NCALD: variants seen among roughly 807,000 people sequenced by gnomAD.
The protein encoded by NCALD is neurocalcin-delta.
NCALD carries 10 observed loss-of-function variants against 18.6 expected under a neutral mutation model. The observed-to-expected ratio is 0.54, with a 90% CI of 0.33 to 0.91. NCALD has a LOEUF of 0.91. Ranked by LOEUF, NCALD falls within the 40% of genes least tolerant of loss-of-function variation. The probability of loss-of-function intolerance (pLI) is 0.03; values close to 1 mark genes in which losing one functional copy is unlikely to be tolerated. For synonymous variants in NCALD, 88 were observed against 87.4 expected, an observed-to-expected ratio of 1.01 and a Z score of -0.04; for missense variants, 184 against 247.6, an observed-to-expected ratio of 0.74 and a Z score of 1.72.
intron 4 of NCALD, among the ~76,000 whole-genome samples, chr8:101,857,126 A>G (rs1815351195): frequency 6.6e-6 from 1 of 152,210 alleles, no homozygotes; most frequent in Non-Finnish European, 1.5e-5. Context: ...CATTGCTACC[A>G]TAAGGTTGTA....
chr8:101,952,981 T>G (rs181947732), intron 2 of NCALD, among the ~76,000 whole-genome samples: 28 of 152,216 alleles, frequency 1.8e-4, no homozygotes, highest in African/African-American at 6.7e-4. Context: ...ATCTCCCTCC[T>G]TTCCTTCATC....
chr8:101,842,295 A>G (rs997593991), intron 4 of NCALD, among the ~76,000 whole-genome samples: 19 of 152,118 alleles, frequency 1.2e-4, no homozygotes, highest in Admixed American at 3.9e-4. Flanking sequence ...ATGAATTTGC[A>G]AGGAGGACAC....
intron 1 of NCALD, among the ~76,000 whole-genome samples, chr8:102,030,230 AT>A (rs1310496710): frequency 6.6e-6 from 1 of 152,226 alleles, no homozygotes; most frequent in Non-Finnish European, 1.5e-5. Flanking sequence ...TTCCCTGGTC[AT>A]TTAAGGCCAT....
chr8:101,849,177 G>C (rs966952253), intron 4 of NCALD, among the ~76,000 whole-genome samples: 1 of 152,076 alleles, frequency 6.6e-6, no homozygotes, highest in African/African-American at 2.4e-5. Context: ...GACACATTGT[G>C]GGGGGACCAA....
chr8:101,693,319 T>TTG (rs1814826013), intron 2 of NCALD: 1 of 7,138 alleles, frequency 1.4e-4, no homozygotes, highest in Non-Finnish European at 5.2e-4. Context: ...ACACAGGGCG[T>TTG]TTTTTTTTTT....
intron 1 of NCALD, among the ~76,000 whole-genome samples, chr8:102,114,065 C>T (rs991529049): frequency 6.6e-6 from 1 of 152,230 alleles, no homozygotes. Flanking sequence ...GGCACTATGA[C>T]AAGCATGATG....
intron 1 of NCALD, among the ~76,000 whole-genome samples, chr8:102,123,048 C>G (rs1357402205): frequency 1.3e-5 from 2 of 152,246 alleles, no homozygotes; most frequent in East Asian, 3.8e-4. Flanking sequence ...TGCATCAAGG[C>G]CTTTGGCCAT....
At chr8:101,976,136 C>T (rs767340441) in intron 2 of NCALD, among the ~76,000 whole-genome samples, 1 of 152,230 alleles carries the variant, frequency 6.6e-6, no homozygotes, top group Non-Finnish European at 1.5e-5. Flanking sequence ...CTCTCCAGGC[C>T]TTACCCTTCA....
At chr8:101,909,296 A>G (rs1346198204) in intron 3 of NCALD, among the ~76,000 whole-genome samples, 1 of 152,000 alleles carries the variant, frequency 6.6e-6, no homozygotes, top group Non-Finnish European at 1.5e-5. Flanking sequence ...ACTTTTCAGC[A>G]CTCCTCAGCA....
At chr8:102,095,097 G>A (rs16869081) in intron 1 of NCALD, among the ~76,000 whole-genome samples, 13,261 of 152,260 alleles carry the variant, frequency 0.087, 1,546 homozygotes, top group African/African-American at 0.27. Context: ...AGCCTGCCTT[G>A]GCTTTAGCAA....
chr8:102,005,210 G>C (rs1489518876), intron 2 of NCALD, among the ~76,000 whole-genome samples: 1 of 152,134 alleles, frequency 6.6e-6, no homozygotes, highest in African/African-American at 2.4e-5. Context: ...TCAACAAGTG[G>C]GCGAAGGATA....
intron 1 of NCALD, among the ~76,000 whole-genome samples, chr8:102,093,046 T>G (rs549871458): frequency 8.0e-4 from 122 of 152,222 alleles, no homozygotes; most frequent in Non-Finnish European, 9.6e-4. Flanking sequence ...TAGATCCAGC[T>G]TCTCAGGAGG....
At chr8:101,706,227 G>A (rs1815513334) in intron 2 of NCALD, among the ~76,000 whole-genome samples, 1 of 152,054 alleles carries the variant, frequency 6.6e-6, no homozygotes, top group Admixed American at 6.6e-5. Flanking sequence ...AAATTTAATA[G>A]CTCTGGTGAC....
intron 4 of NCALD, among the ~76,000 whole-genome samples, chr8:101,881,010 G>A (rs932238806): frequency 1.5e-4 from 23 of 152,070 alleles, no homozygotes; most frequent in African/African-American, 4.8e-4. Flanking sequence ...ACAGCATCAC[G>A]ACACAAAAGA....
intron 1 of NCALD, among the ~76,000 whole-genome samples, chr8:102,030,044 A>T (rs182437875): frequency 6.6e-6 from 1 of 152,360 alleles, no homozygotes; most frequent in African/African-American, 2.4e-5. Flanking sequence ...AAAACTATTA[A>T]TATCAGATCT....
chr8:102,080,140 C>T (rs572404192), intron 1 of NCALD, among the ~76,000 whole-genome samples: 19 of 152,348 alleles, frequency 1.2e-4, no homozygotes, highest in Non-Finnish European at 2.4e-4. Context: ...ATTCAGTTAT[C>T]TTCCAATGAC....
At chr8:101,894,526 A>T (rs1018465741) in intron 3 of NCALD, among the ~76,000 whole-genome samples, 10 of 144,598 alleles carry the variant, frequency 6.9e-5, no homozygotes, top group African/African-American at 2.2e-4. Flanking sequence ...GCAGAACTGA[A>T]GGAAATAGAG....
At chr8:101,827,998 G>A (rs902881510) in intron 4 of NCALD, among the ~76,000 whole-genome samples, 14 of 152,280 alleles carry the variant, frequency 9.2e-5, no homozygotes, top group African/African-American at 3.4e-4. Context: ...TATGTAGGTG[G>A]AGGATATAAA....
chr8:101,754,615 A>G (rs1460490632), intron 1 of NCALD, among the ~76,000 whole-genome samples: 4 of 152,154 alleles, frequency 2.6e-5, no homozygotes, highest in African/African-American at 9.7e-5. Flanking sequence ...TCACCTCCCA[A>G]TACCATCACC....
Sources: gnomAD v4.1 joint callset for allele counts (sites outside exome capture counted in the v4.1 genomes callset) on GRCh38, gnomAD v4.1.1 for gene constraint, MANE v1.5 for transcripts, NCBI Gene and HGNC (gene_info 2026-07-23, HGNC 2026-07-21) for gene names.